The following WIPF2 variants were observed in gnomAD, a reference collection of about 807,000 sequenced individuals.
The protein encoded by WIPF2 is WAS/WASL interacting protein family member 2, also known as WAS/WASL-interacting protein family member 2.
Under a neutral mutation model 38.8 loss-of-function variants are expected in WIPF2, and 23 were observed. That is an observed-to-expected ratio of 0.59 (90% confidence interval 0.43 to 0.84). WIPF2 has a LOEUF of 0.84. WIPF2 is among the 40% of genes least tolerant of loss of function. The probability of loss-of-function intolerance (pLI) is 0.00; values close to 1 mark genes in which losing one functional copy is unlikely to be tolerated. For missense variants in WIPF2, 574 were observed against 580.5 expected (o/e 0.99, Z 0.11); for synonymous variants, 210 against 223.2 (o/e 0.94, Z 0.53).
chr17:40,255,239 TC>T (rs1335903694), intron 1 of WIPF2, among the ~76,000 whole-genome samples: 32 of 151,720 alleles, frequency 2.1e-4, no homozygotes, highest in Admixed American at 2.1e-3. Flanking sequence ...ACACCTGTAA[TC>T]CCAGCTGTGA....
At chr17:40,277,403 T>C (rs1242821663) in intron 7 of WIPF2, among the ~76,000 whole-genome samples, 1 of 152,054 alleles carries the variant, frequency 6.6e-6, no homozygotes. Flanking sequence ...AAAATTAGGC[T>C]GGGCGCGGTG....
chr17:40,259,093 A>C (rs1207707451), intron 2 of WIPF2, among the ~76,000 whole-genome samples: 1 of 140,776 alleles, frequency 7.1e-6, no homozygotes, highest in Non-Finnish European at 1.5e-5. Context: ...TGCCTAGACT[A>C]GTCTTGAACT....
chr17:40,223,623 G>C (rs1349591970), intron 1 of WIPF2, among the ~76,000 whole-genome samples: 61 of 127,610 alleles, frequency 4.8e-4, no homozygotes, highest in Non-Finnish European at 4.9e-5. Flanking sequence ...TTTTTGAGAC[G>C]GAGTCTCGCT....
At chr17:40,260,291 G>A (rs918303640) in intron 2 of WIPF2, among the ~76,000 whole-genome samples, 2 of 148,738 alleles carry the variant, frequency 1.3e-5, no homozygotes, top group African/African-American at 5.0e-5. Context: ...GGGTTCAAGC[G>A]ATTCTCCTGT....
chr17:40,275,633 G>A (rs2032373887), intron 6 of WIPF2, among the ~76,000 whole-genome samples: 1 of 152,046 alleles, frequency 6.6e-6, no homozygotes, highest in East Asian at 1.9e-4. Flanking sequence ...GCGCAATCAC[G>A]GCTCACCGCA....
intron 7 of WIPF2, 138 bp from the exon 8 acceptor site, chr17:40,278,047 C>T: frequency 2.8e-6 from 3 of 1,068,090 alleles, no homozygotes; most frequent in East Asian, 5.3e-5. Context: ...TTTTCTTAGG[C>T]AAAACAATAA....
At chr17:40,250,220 T>G (rs1311463261) in intron 1 of WIPF2, among the ~76,000 whole-genome samples, 4 of 73,790 alleles carry the variant, frequency 5.4e-5, no homozygotes, top group Admixed American at 1.3e-4. Flanking sequence ...TTTTATCATG[T>G]TTTTTTTTTT....
intron 6 of WIPF2, 84 bp from the exon 7 acceptor site, chr17:40,276,996 TTAG>T (rs1287055807): frequency 8.8e-7 from 1 of 1,140,578 alleles, no homozygotes; most frequent in East Asian, 2.4e-5. Context: ...GCCTGAGAGA[TTAG>T]TAAGTGGGGA....
At chr17:40,231,868 C>T (rs1393318103) in intron 1 of WIPF2, among the ~76,000 whole-genome samples, 3 of 149,402 alleles carry the variant, frequency 2.0e-5, no homozygotes, top group East Asian at 2.0e-4. Flanking sequence ...CAGCCTGCCT[C>T]GTAATTGTAT....
At chr17:40,246,638 C>G (rs1224245410) in intron 1 of WIPF2, among the ~76,000 whole-genome samples, 3 of 151,838 alleles carry the variant, frequency 2.0e-5, no homozygotes, top group African/African-American at 7.3e-5. Context: ...CTCAAATGAT[C>G]CGCCTGCCTT....
chr17:40,238,336 C>G (rs1299877760), intron 1 of WIPF2, among the ~76,000 whole-genome samples: 1 of 152,124 alleles, frequency 6.6e-6, no homozygotes, highest in Non-Finnish European at 1.5e-5. Flanking sequence ...TGGAGTCTGG[C>G]TCTGTTGCCC....
rs1024751167 is a variant in WIPF2, at chr17:40,219,402, G to C, written c.-160G>C. On this transcript the variant is annotated 5_prime_UTR_variant, in exon 1 of 8. Transcript: ENST00000323571. ...CGGCGGCGGCGGCGGCGGCGGCGAC[G>C]GCGAGAAAGAGCTTGCCGGGGGGCG... 10 of 416,206 alleles carry C rather than the reference G, an allele frequency of 2.4e-5. No homozygotes were observed. Among genetic ancestry groups the C allele is most frequent in the Non-Finnish European group, 3.6e-5 (8 of 220,018 alleles). 25.8% of individuals were successfully genotyped at this position (416,206 alleles called of 1,614,324 possible).
At chr17:40,273,199 A>C (rs1482216879) in intron 5 of WIPF2, among the ~76,000 whole-genome samples, 1 of 151,820 alleles carries the variant, frequency 6.6e-6, no homozygotes, top group South Asian at 2.1e-4. Context: ...ACACCGGGCT[A>C]ATTTTTTGTA....
intron 1 of WIPF2, among the ~76,000 whole-genome samples, chr17:40,252,175 A>G (rs1390874958): frequency 6.6e-6 from 1 of 152,182 alleles, no homozygotes; most frequent in Non-Finnish European, 1.5e-5. Context: ...TTGCTATGCT[A>G]GAGAATTCCT....
At chr17:40,266,742 A>G (rs73983025) in intron 5 of WIPF2, among the ~76,000 whole-genome samples, 19,200 of 152,006 alleles carry the variant, frequency 0.13, 1,344 homozygotes, top group East Asian at 0.3. Flanking sequence ...GAAACTTAGG[A>G]GAGAGGGAAA....
intron 1 of WIPF2, among the ~76,000 whole-genome samples, chr17:40,237,412 T>C (rs2031018904): frequency 6.6e-6 from 1 of 151,886 alleles, no homozygotes; most frequent in Non-Finnish European, 1.5e-5. Context: ...GCCTGATTTT[T>C]GTATTTTTAG....
intron 1 of WIPF2, among the ~76,000 whole-genome samples, chr17:40,253,065 CTTTT>C: frequency 7.7e-6 from 1 of 130,648 alleles, no homozygotes; most frequent in South Asian, 2.4e-4. Flanking sequence ...CGCGCCTGGA[CTTTT>C]TTTTTTTTTT....
In WIPF2 at chr17:40,278,481, A is replaced by C; in HGVS notation, c.*256A>C. 1 of 496,188 alleles carries C rather than the reference A, an allele frequency of 2.0e-6. No individual in the cohort carries two copies. The highest frequency in any genetic ancestry group is 3.6e-6 in the Non-Finnish European group (1 of 277,612). 30.7% of individuals were successfully genotyped at this position (496,188 alleles called of 1,614,324 possible). A position where few individuals can be genotyped will look rare whatever the true frequency, so the allele number is the denominator to read the frequency against. ...TCCTCCAGCAAGCCCTGCTAGCCAC[A>C]TGAGGAACAAGTTTCCGTGTCTTCT... On this transcript the variant is annotated 3_prime_UTR_variant, in exon 8 of 8. Transcript: ENST00000323571.
intron 1 of WIPF2, among the ~76,000 whole-genome samples, chr17:40,239,046 T>TTTAATTTA (rs1555560742): frequency 7.2e-6 from 1 of 138,762 alleles, no homozygotes; most frequent in Non-Finnish European, 1.5e-5. Flanking sequence ...GTTTATTTTA[T>TTTAATTTA]TTTATTTATT....
Sources: gnomAD v4.1 joint callset for allele counts (sites outside exome capture counted in the v4.1 genomes callset) on GRCh38, gnomAD v4.1.1 for gene constraint, MANE v1.5 for transcripts, NCBI Gene and HGNC (gene_info 2026-07-23, HGNC 2026-07-21) for gene names.